PRMT8: variants seen among roughly 807,000 people sequenced by gnomAD.
The protein encoded by PRMT8 is protein arginine N-methyltransferase 8.
In PRMT8, 7 loss-of-function variants were observed where a neutral mutation model predicts 47.1. That is an observed-to-expected ratio of 0.15 (90% CI 0.08 to 0.28). The LOEUF is 0.28. Ranked by LOEUF, PRMT8 falls within the 10% of genes least tolerant of loss-of-function variation. The pLI is 1.00. For missense variants in PRMT8, 237 were observed against 505.4 expected, an observed-to-expected ratio of 0.47 and a Z score of 5.09; for synonymous variants, 188 against 186.5, an observed-to-expected ratio of 1.01 and a Z score of -0.07.
intron 1 of PRMT8, among the ~76,000 whole-genome samples, chr12:3,452,628 T>G (rs1864932167): frequency 6.6e-6 from 1 of 152,192 alleles, no homozygotes; most frequent in South Asian, 2.1e-4. Context: ...GATTGTCACC[T>G]GCAGGGCAGT....
intron 1 of PRMT8, among the ~76,000 whole-genome samples, chr12:3,401,291 A>G (rs1021354043): frequency 2.0e-5 from 3 of 152,130 alleles, no homozygotes; most frequent in African/African-American, 7.2e-5. Flanking sequence ...CATGTTAAAA[A>G]CTCTCAATAA....
At chr12:3,428,855 A>G (rs1316029483) in intron 1 of PRMT8, among the ~76,000 whole-genome samples, 1 of 77,280 alleles carries the variant, frequency 1.3e-5, no homozygotes, top group Admixed American at 1.4e-4. Context: ...TCTTACCTTG[A>G]CTCTCTCTTT....
intron 1 of PRMT8, among the ~76,000 whole-genome samples, chr12:3,524,875 C>T (rs1007266581): frequency 2.0e-5 from 3 of 152,134 alleles, no homozygotes; most frequent in African/African-American, 7.2e-5. Context: ...GTCTCTGAGT[C>T]CATTGTTTGG....
intron 1 of PRMT8, among the ~76,000 whole-genome samples, chr12:3,521,402 C>T (rs867662057): frequency 4.6e-5 from 7 of 150,780 alleles, no homozygotes; most frequent in Non-Finnish European, 7.4e-5. Flanking sequence ...GACGAAACCC[C>T]GTCTCTACTA....
chr12:3,592,108 TG>T, intron 8 of PRMT8, 122 bp from the exon 9 acceptor site: 2 of 1,098,868 alleles, frequency 1.8e-6, no homozygotes, highest in Non-Finnish European at 2.5e-6. Context: ...AGTACTGGGG[TG>T]GGTGGTTTCA....
chr12:3,392,741 T>C (rs1323749576), intron 1 of PRMT8, among the ~76,000 whole-genome samples: 1 of 152,132 alleles, frequency 6.6e-6, no homozygotes, highest in Non-Finnish European at 1.5e-5. Flanking sequence ...ATGGGATGGC[T>C]GGGTCAAATG....
chr12:3,581,885 G>T (rs955490387), intron 7 of PRMT8, among the ~76,000 whole-genome samples: 3 of 152,174 alleles, frequency 2.0e-5, no homozygotes, highest in South Asian at 2.1e-4. Flanking sequence ...GATAGTTTGC[G>T]TCTGTTTTTC....
At chr12:3,567,315 G>A (rs895955571) in intron 4 of PRMT8, among the ~76,000 whole-genome samples, 4 of 152,178 alleles carry the variant, frequency 2.6e-5, no homozygotes, top group Admixed American at 1.3e-4. Flanking sequence ...GTCTAAAGTC[G>A]TACAGCTAAT....
At chr12:3,586,890 G>T (rs569946550) in intron 8 of PRMT8, among the ~76,000 whole-genome samples, 1 of 152,314 alleles carries the variant, frequency 6.6e-6, no homozygotes, top group South Asian at 2.1e-4. Flanking sequence ...ATGCCTATAT[G>T]GGTAGCAATG....
rs546847436 is a variant in PRMT8, at chr12:3,395,910, T to A, written c.48+14468T>A. ...TCTGGGTGCTCCTGTATTGAGTGCA[T>A]ATATATTTAGGATAGTTAGCTCTTC... On this transcript the variant is annotated intron_variant, in intron 1 of 9. Coordinates refer to the PRMT8 transcript ENST00000452611. Among the ~76,000 whole-genome samples the A allele has an allele frequency of 1.3e-3, 205 of 152,270 alleles. 1 individual carries two copies. Among genetic ancestry groups the A allele is most frequent in the Middle Eastern group, 6.8e-3 (2 of 294 alleles).
chr12:3,592,482 G>C (rs1867329383), intron 9 of PRMT8, 130 bp downstream of exon 9: 1 of 997,702 alleles, frequency 1.0e-6, no homozygotes, highest in Non-Finnish European at 1.4e-6. Flanking sequence ...GCAGTCGGTA[G>C]CCACATGTGG....
chr12:3,563,676 G>A (rs1042651315), intron 4 of PRMT8, among the ~76,000 whole-genome samples: 20 of 152,150 alleles, frequency 1.3e-4, no homozygotes, highest in South Asian at 1.0e-3. Context: ...CCCATTTGCC[G>A]GGTGAGGAAA....
chr12:3,589,135 C>T lies in PRMT8; in HGVS notation c.980-3096C>T, dbSNP rs112543871. ...GGCTTAGTAAGTCCCTAACATGGGC[C>T]TAATATGTTTTAGGTAGGGTGGCCA... is the stretch of plus-strand genomic sequence containing the variant. On this transcript the variant is annotated intron_variant, in intron 8 of 9. Transcript: ENST00000382622. Among the ~76,000 whole-genome samples, 80 of 152,260 alleles carry T rather than the reference C, an allele frequency of 5.3e-4. 1 individual carries two copies. The highest frequency in any genetic ancestry group is 1.8e-3 in the African/African-American group (73 of 41,536).
chr12:3,434,683 C>CGTGTGTGTTGGGGGTTGGTGG (rs1565406804), intron 1 of PRMT8, among the ~76,000 whole-genome samples: 1 of 151,420 alleles, frequency 6.6e-6, no homozygotes, highest in Non-Finnish European at 1.5e-5. Context: ...GCAGGTGTTC[C>CGTGTGTGTTGGGGGTTGGTGG]GTGTGTGTTG....
At chr12:3,482,110 C>T (rs1865280082) in intron 1 of PRMT8, among the ~76,000 whole-genome samples, 2 of 152,186 alleles carry the variant, frequency 1.3e-5, no homozygotes, top group Admixed American at 1.3e-4. Flanking sequence ...GCCCTCCAGT[C>T]ACAAACTCTG....
At position 3,550,290 on chromosome 12, in the gene PRMT8, C is replaced by T. The variant is rs1217512810; in HGVS notation, c.417+199C>T. ...GTCCCCTGTGCATGGCTCCTGGATC[C>T]TTACAACCACTGACATTTGCGGAGG... On this transcript the variant is annotated intron_variant, in intron 3 of 9. Transcript: ENST00000382622. This position sits in a 1 kb window ranked among gnomAD's most constrained non-coding sequence, Gnocchi z 5.1. 4 of 575,406 alleles carry T rather than the reference C, an allele frequency of 7.0e-6. No homozygotes were observed. Among genetic ancestry groups the T allele is most frequent in the Non-Finnish European group, 1.2e-5 (4 of 331,002 alleles). The allele number at this position is 575,406 out of a possible 1,614,324, so 35.6% of individuals were successfully genotyped here.
intron 4 of PRMT8, among the ~76,000 whole-genome samples, chr12:3,554,160 G>C (rs1866482363): frequency 6.6e-6 from 1 of 152,188 alleles, no homozygotes; most frequent in South Asian, 2.1e-4. Flanking sequence ...CCCTGTCACT[G>C]CTGGGCTGTT....
At chr12:3,558,776 G>A (rs952443801) in intron 4 of PRMT8, among the ~76,000 whole-genome samples, 20 of 152,142 alleles carry the variant, frequency 1.3e-4, no homozygotes, top group African/African-American at 4.3e-4. Context: ...TACAATTTCG[G>A]CTTGTCTCAT....
In PRMT8 at chr12:3,518,833, G is replaced by A. The variant is rs972824943; in HGVS notation, c.76-21773G>A. On this transcript the variant is annotated intron_variant, in intron 1 of 9. Coordinates refer to ENST00000382622, the MANE Select transcript of PRMT8 (RefSeq NM_019854.5). The stretch of plus-strand genomic sequence containing the variant: ...TGGGGACCAAATAAGAAAATACTCA[G>A]GGTTAAATCCAGAAACCCAGTAGGG... 3.3e-5 allele frequency among the ~76,000 whole-genome samples: 5 copies of A among 152,044 alleles called. No homozygotes were observed. In the East Asian group the frequency reaches 9.6e-4, roughly 29 times the overall value.
Sources: gnomAD v4.1 joint callset for allele counts (sites outside exome capture counted in the v4.1 genomes callset) on GRCh38, gnomAD v4.1.1 for gene constraint, Gnocchi (gnomAD v3.1) non-coding constraint, MANE v1.5 for transcripts, NCBI Gene and HGNC (gene_info 2026-07-23, HGNC 2026-07-21) for gene names.